ARHGAP18: variants seen among roughly 807,000 people sequenced by gnomAD.
ARHGAP18 encodes rho GTPase-activating protein 18.
In ARHGAP18, 67 loss-of-function variants were observed where a neutral mutation model predicts 86.2. That is an observed-to-expected ratio of 0.78 (90% CI 0.64 to 0.95). The LOEUF is 0.95. Ranked by LOEUF, ARHGAP18 falls within the 40% of genes least tolerant of loss-of-function variation. The pLI is 0.00. For missense variants in ARHGAP18, 691 were observed against 780.4 expected (o/e 0.89, Z 1.37); for synonymous variants, 283 against 280.4 (o/e 1.01, Z -0.09).
chr6:129,593,075 C>G (rs545351843), intron 12 of ARHGAP18, among the ~76,000 whole-genome samples: 2 of 152,090 alleles, frequency 1.3e-5, no homozygotes, highest in African/African-American at 4.8e-5. Context: ...AGCTTTTAGA[C>G]GATACACACG....
chr6:129,659,456 TTTTTATTTTA>T (rs149541405), intron 1 of ARHGAP18, among the ~76,000 whole-genome samples: 28 of 151,126 alleles, frequency 1.9e-4, no homozygotes, highest in African/African-American at 4.6e-4. Context: ...CCTAGAATTT[TTTTTATTTTA>T]TTTTATTTTA....
At chr6:129,645,165 TG>T (rs1450382575) in intron 1 of ARHGAP18, among the ~76,000 whole-genome samples, 1 of 152,184 alleles carries the variant, frequency 6.6e-6, no homozygotes, top group African/African-American at 2.4e-5. Flanking sequence ...AAAATGTAAG[TG>T]AACATTCCTT....
intron 4 of ARHGAP18, among the ~76,000 whole-genome samples, chr6:129,631,641 A>T (rs1224948930): frequency 1.3e-5 from 2 of 152,146 alleles, no homozygotes; most frequent in Non-Finnish European, 2.9e-5. Context: ...AGTGCACAAT[A>T]GCACTGGGTT....
intron 7 of ARHGAP18, among the ~76,000 whole-genome samples, chr6:129,614,899 T>C (rs1381894327): frequency 6.6e-6 from 1 of 152,174 alleles, no homozygotes; most frequent in Non-Finnish European, 1.5e-5. Flanking sequence ...GCTTCAAGAC[T>C]GCAACAAAGA....
At chr6:129,694,730 A>T (rs1774585195) in intron 1 of ARHGAP18, among the ~76,000 whole-genome samples, 1 of 152,212 alleles carries the variant, frequency 6.6e-6, no homozygotes, top group African/African-American at 2.4e-5. Context: ...TCAACATGTC[A>T]CTTGAGATAT....
intron 1 of ARHGAP18, among the ~76,000 whole-genome samples, chr6:129,642,824 G>T (rs1417299414): frequency 1.3e-5 from 2 of 151,904 alleles, no homozygotes; most frequent in African/African-American, 2.4e-5. Context: ...ATTTAAGTTT[G>T]CTGTTATAAT....
At chr6:129,680,299 G>A (rs1000423666) in intron 1 of ARHGAP18, among the ~76,000 whole-genome samples, 1 of 152,174 alleles carries the variant, frequency 6.6e-6, no homozygotes, top group African/African-American at 2.4e-5. Flanking sequence ...AGCATTTACA[G>A]TTCTGCTCCA....
Position 129,600,749 on chromosome 6 carries a change from A to G in ARHGAP18, c.1465T>C (p.Cys489Arg). The change falls in exon 11 of 15, where the codon TGT becomes CGT. Residue 489 changes from cysteine to arginine, a missense_variant. Transcript: ENST00000368149. ...CTGGACTTCAATCCCAATGCATGAC[A>G]CATAAAGAGATTCGGGGCCATGACC... is the stretch of plus-strand genomic sequence containing the variant. ...AMVMAPNLFM[C>R]HALGLKSSEQ... 1 of 1,613,768 alleles carries G rather than the reference A, an allele frequency of 6.2e-7. No individual in the cohort carries two copies. Among genetic ancestry groups the G allele is most frequent in the Non-Finnish European group, 8.5e-7 (1 of 1,179,794 alleles).
intron 4 of ARHGAP18, among the ~76,000 whole-genome samples, chr6:129,631,894 G>A (rs1367196837): frequency 2.0e-5 from 3 of 151,956 alleles, no homozygotes; most frequent in Non-Finnish European, 4.4e-5. Flanking sequence ...TAAATATTGG[G>A]CCTTTAATAG....
chr6:129,593,791 T>C (rs897692195), intron 12 of ARHGAP18, among the ~76,000 whole-genome samples: 4 of 152,210 alleles, frequency 2.6e-5, no homozygotes, highest in Admixed American at 2.0e-4. Flanking sequence ...GGATAAGACA[T>C]ACTAGTATTT....
intron 1 of ARHGAP18, among the ~76,000 whole-genome samples, chr6:129,646,162 A>G (rs1466603226): frequency 6.6e-6 from 1 of 152,202 alleles, no homozygotes; most frequent in Non-Finnish European, 1.5e-5. Flanking sequence ...TGAAATGGAA[A>G]CATATGGAAC....
At chr6:129,609,003 AG>A (rs1788917981) in intron 8 of ARHGAP18, among the ~76,000 whole-genome samples, 1 of 146,526 alleles carries the variant, frequency 6.8e-6, no homozygotes, top group African/African-American at 2.6e-5. Context: ...AAGGAGGAAG[AG>A]GAAAAAAAAA....
At chr6:129,613,550 GA>G (rs1259837434) in intron 7 of ARHGAP18, among the ~76,000 whole-genome samples, 1 of 152,114 alleles carries the variant, frequency 6.6e-6, no homozygotes, top group African/African-American at 2.4e-5. Flanking sequence ...AAGTACACAG[GA>G]AAAAGTGATT....
intron 1 of ARHGAP18, among the ~76,000 whole-genome samples, chr6:129,683,664 A>G (rs1297463746): frequency 1.3e-5 from 2 of 152,222 alleles, no homozygotes; most frequent in East Asian, 3.9e-4. Context: ...AATGGAAAAT[A>G]GAGGTTGGAG....
At chr6:129,707,058 C>G (rs578084007) in intron 1 of ARHGAP18, among the ~76,000 whole-genome samples, 1 of 151,042 alleles carries the variant, frequency 6.6e-6, no homozygotes, top group Non-Finnish European at 1.5e-5. Flanking sequence ...GAAACCCCGA[C>G]TCCACTAAAA....
chr6:129,669,522 A>G (rs1227106759), intron 1 of ARHGAP18, among the ~76,000 whole-genome samples: 1 of 148,376 alleles, frequency 6.7e-6, no homozygotes, highest in Non-Finnish European at 1.5e-5. Context: ...GCGGTGGCTC[A>G]TGCCTGTAAT....
chr6:129,607,802 GGTTGC>G, intron 9 of ARHGAP18, 86 bp downstream of exon 9: 1 of 1,362,132 alleles, frequency 7.3e-7, no homozygotes, highest in Non-Finnish European at 9.7e-7. Flanking sequence ...AAATACGTCT[GGTTGC>G]GTTCTTTGTG....
intron 3 of ARHGAP18, among the ~76,000 whole-genome samples, chr6:129,637,488 T>A (rs1773358240): frequency 6.6e-6 from 1 of 152,230 alleles, no homozygotes; most frequent in African/African-American, 2.4e-5. Flanking sequence ...GTCACTGTGC[T>A]AAGGCTAGAC....
chr6:129,681,266 C>CT (rs1774320377), intron 1 of ARHGAP18, among the ~76,000 whole-genome samples: 1 of 152,150 alleles, frequency 6.6e-6, no homozygotes, highest in Non-Finnish European at 1.5e-5. Context: ...TTGGTAGAGA[C>CT]AGGGTTTTAC....
Sources: allele counts gnomAD v4.1 joint callset (sites outside exome capture counted in the v4.1 genomes callset), GRCh38; gene constraint gnomAD v4.1.1; transcripts MANE v1.5; gene names NCBI Gene and HGNC (gene_info 2026-07-23, HGNC 2026-07-21).